The following TMEM117 variants were observed in gnomAD, a reference collection of about 807,000 sequenced individuals.
TMEM117 encodes the protein transmembrane protein 117.
In TMEM117, 27 loss-of-function variants were observed where a neutral mutation model predicts 52.4. That is an observed-to-expected ratio of 0.51 (90% CI 0.38 to 0.71). The LOEUF (loss-of-function observed/expected upper bound fraction) is 0.71, where lower values mean the gene tolerates loss of function less well. TMEM117 is among the 30% of genes least tolerant of loss of function. TMEM117 has a pLI of 0.00. For synonymous variants in TMEM117, 215 were observed against 206.3 expected, an observed-to-expected ratio of 1.04 and a Z score of -0.36; for missense variants, 556 against 630.5, an observed-to-expected ratio of 0.88 and a Z score of 1.26.
chr12:44,066,853 T>C (rs1393200809), intron 3 of TMEM117, among the ~76,000 whole-genome samples: 1 of 152,192 alleles, frequency 6.6e-6, no homozygotes, highest in Non-Finnish European at 1.5e-5. Context: ...CAATTGACGC[T>C]TCTTTTCATG....
At chr12:44,174,694 A>C (rs968292413) in intron 4 of TMEM117, among the ~76,000 whole-genome samples, 1 of 152,200 alleles carries the variant, frequency 6.6e-6, no homozygotes, top group Non-Finnish European at 1.5e-5. Context: ...AATAAGATAC[A>C]CAGAGTTCTT....
At chr12:44,202,310 G>T (rs1484048361) in intron 4 of TMEM117, among the ~76,000 whole-genome samples, 1 of 152,042 alleles carries the variant, frequency 6.6e-6, no homozygotes. Flanking sequence ...AGGTATGATG[G>T]TTCTTTGATG....
intron 6 of TMEM117, among the ~76,000 whole-genome samples, chr12:44,358,462 T>G (rs1430277197): frequency 6.6e-6 from 1 of 152,158 alleles, no homozygotes; most frequent in Non-Finnish European, 1.5e-5. Flanking sequence ...CAGGTAGTTG[T>G]TGGCTATGCT....
At chr12:44,117,157 T>C (rs949655359) in intron 3 of TMEM117, among the ~76,000 whole-genome samples, 3 of 152,196 alleles carry the variant, frequency 2.0e-5, no homozygotes, top group African/African-American at 7.2e-5. Flanking sequence ...AGTTTTGACT[T>C]CAGTTTCAGC....
At chr12:43,937,727 T>A (rs1565759198) in intron 2 of TMEM117, among the ~76,000 whole-genome samples, 2 of 152,134 alleles carry the variant, frequency 1.3e-5, no homozygotes, top group Non-Finnish European at 2.9e-5. Context: ...TTCATTTATT[T>A]GTATAGCCTT....
intron 3 of TMEM117, among the ~76,000 whole-genome samples, chr12:44,121,867 C>T (rs918361740): frequency 6.6e-6 from 1 of 152,048 alleles, no homozygotes; most frequent in Non-Finnish European, 1.5e-5. Context: ...ACCCTTACCT[C>T]AAGTATGCCC....
intron 4 of TMEM117, among the ~76,000 whole-genome samples, chr12:44,169,038 C>T (rs1008432948): frequency 6.6e-6 from 1 of 152,164 alleles, no homozygotes; most frequent in Non-Finnish European, 1.5e-5. Context: ...TCAGAATTTC[C>T]TTCCTTTTTA....
chr12:43,869,248 G>A (rs1226644403), intron 2 of TMEM117, among the ~76,000 whole-genome samples: 2 of 151,316 alleles, frequency 1.3e-5, no homozygotes, highest in African/African-American at 2.4e-5. Context: ...CCCTTTTTTT[G>A]TGCTCTTGGG....
In TMEM117 at chr12:44,329,682, GC is replaced by G. The variant is rs1202281314; in HGVS notation, c.768+29945del. Among the ~76,000 whole-genome samples the G allele has an allele frequency of 2.6e-5, 4 of 152,078 alleles. No individual in the cohort carries two copies. The South Asian group carries it at 6.2e-4, about 24-fold the overall frequency. On this transcript the variant is annotated intron_variant, in intron 6 of 7. Coordinates refer to ENST00000266534, the MANE Select transcript of TMEM117 (RefSeq NM_032256.3). ...ACTCCCCATTCCTTTCTCCCCTTGT[GC>G]CTGAGCAACCACTCTTCCACTTTCT...
intron 5 of TMEM117, among the ~76,000 whole-genome samples, chr12:44,299,340 A>G (rs1437337343): frequency 1.3e-5 from 2 of 151,968 alleles, no homozygotes. Flanking sequence ...ACCGTGTTGG[A>G]CAGGCTTGTC....
intron 3 of TMEM117, among the ~76,000 whole-genome samples, chr12:44,000,607 C>T (rs1462941031): frequency 5.9e-5 from 9 of 152,098 alleles, no homozygotes; most frequent in African/African-American, 1.7e-4. Context: ...GAGTCTTACT[C>T]AGCACACTGT....
chr12:44,197,343 A>G (rs1174152053), intron 4 of TMEM117, among the ~76,000 whole-genome samples: 1 of 152,128 alleles, frequency 6.6e-6, no homozygotes, highest in African/African-American at 2.4e-5. Flanking sequence ...TATATCGTAC[A>G]TAATTACTTT....
At chr12:43,941,632 C>T (rs534494303) in intron 2 of TMEM117, among the ~76,000 whole-genome samples, 1 of 152,112 alleles carries the variant, frequency 6.6e-6, no homozygotes, top group East Asian at 1.9e-4. Flanking sequence ...ACAGAGTTAA[C>T]CTTTAAGTAG....
Position 44,180,352 on chromosome 12 carries a change from C to CT in TMEM117, c.511-30925dup, listed in dbSNP as rs112698806. Among the ~76,000 whole-genome samples, 404 of 146,184 alleles carry CT rather than the reference C, an allele frequency of 2.8e-3. 1 individual carries two copies. The highest frequency in any genetic ancestry group is 5.9e-3 in the East Asian group (29 of 4,932). The stretch of plus-strand genomic sequence containing the variant: ...ACGATGTAAAAGAACTACCTGACAT[C>CT]TTTTTTTTTTTTTATTATACTTTAA... On this transcript the variant is annotated intron_variant, in intron 4 of 7. Coordinates refer to ENST00000266534, the MANE Select transcript of TMEM117 (RefSeq NM_032256.3).
At chr12:44,232,327 T>G (rs1565618302) in intron 5 of TMEM117, among the ~76,000 whole-genome samples, 1 of 151,566 alleles carries the variant, frequency 6.6e-6, no homozygotes, top group Non-Finnish European at 1.5e-5. Flanking sequence ...TATTTTTTCT[T>G]ATATAGATAA....
Position 44,143,596 on chromosome 12 carries a change from G to A in TMEM117, c.482G>A (p.Trp161Ter), listed in dbSNP as rs1392778099. 3 of 1,613,776 alleles carry A rather than the reference G, an allele frequency of 1.9e-6. No homozygotes were observed. Among genetic ancestry groups the A allele is most frequent in the Admixed American group, 1.7e-5 (1 of 59,964 alleles). ...SFMKLAAVGT[W>*]MGDFVTAWMV... ...ATGAAATTAGCTGCAGTAGGGACCT[G>A]GATGGGGGACTTTGTCACAGCTTGG... is the stretch of plus-strand genomic sequence containing the variant. Residue 161 changes from tryptophan (W) to a stop codon, truncating the protein, a stop_gained, in exon 4 of 8, where the codon TGG (tryptophan) becomes TAG (stop). Transcript: ENST00000266534. LOFTEE classifies it high-confidence loss of function.
chr12:44,010,350 G>A (rs950696731), intron 3 of TMEM117: 2 of 414,698 alleles, frequency 4.8e-6, no homozygotes, highest in Admixed American at 2.6e-5. Flanking sequence ...GCTGCTCTGG[G>A]TATTGAAGCT....
chr12:43,843,073 G>A (rs1375833605), intron 1 of TMEM117, among the ~76,000 whole-genome samples: 5 of 152,154 alleles, frequency 3.3e-5, no homozygotes, highest in African/African-American at 1.2e-4. Context: ...CAGTATTTCA[G>A]GGGGTTGTTA....
At chr12:44,170,114 A>G (rs964632458) in intron 4 of TMEM117, among the ~76,000 whole-genome samples, 1 of 152,124 alleles carries the variant, frequency 6.6e-6, no homozygotes, top group African/African-American at 2.4e-5. Flanking sequence ...CTATGCAGCC[A>G]TAAAAAAGGA....
Sources: allele counts gnomAD v4.1 joint callset (sites outside exome capture counted in the v4.1 genomes callset), GRCh38; gene constraint gnomAD v4.1.1; transcripts MANE v1.5; gene names NCBI Gene and HGNC (gene_info 2026-07-23, HGNC 2026-07-21).